Variants in TES observed in about 807,000 individuals in gnomAD.
TES encodes the protein testin LIM domain protein.
Under a neutral mutation model 48.2 loss-of-function variants are expected in TES, and 41 were observed. The observed-to-expected ratio is 0.85, with a 90% CI of 0.66 to 1.10. The LOEUF (loss-of-function observed/expected upper bound fraction) is 1.10, where lower values mean the gene tolerates loss of function less well. Among genes scored for constraint, TES ranks in the 50% least tolerant of loss-of-function variants. The probability of loss-of-function intolerance (pLI) is 0.00; values close to 1 mark genes in which losing one functional copy is unlikely to be tolerated. For synonymous variants in TES, 162 were observed against 174.9 expected (o/e 0.93, Z 0.58); for missense variants, 463 against 515.1 (o/e 0.90, Z 0.98).
chr7:116,249,429 G>T, intron 3 of TES, 157 bp downstream of exon 3: 1 of 873,404 alleles, frequency 1.1e-6, no homozygotes, highest in Non-Finnish European at 1.7e-6. Flanking sequence ...CTAGTCTTTT[G>T]AATGTAAGAC....
intron 6 of TES, among the ~76,000 whole-genome samples, chr7:116,254,879 A>G (rs1276947742): frequency 1.3e-5 from 2 of 151,922 alleles, no homozygotes; most frequent in African/African-American, 2.4e-5. Context: ...ATACATATCC[A>G]TTGCCAGAAC....
At chr7:116,226,784 C>T (rs1472039714) in intron 1 of TES, among the ~76,000 whole-genome samples, 2 of 152,138 alleles carry the variant, frequency 1.3e-5, no homozygotes, top group Non-Finnish European at 2.9e-5. Context: ...TTTGGAGCAT[C>T]GTAAGCATGG....
chr7:116,248,907 T>C (rs1799962695), intron 2 of TES, 113 bp from the exon 3 acceptor site: 2 of 1,126,986 alleles, frequency 1.8e-6, no homozygotes, highest in East Asian at 2.6e-5. Flanking sequence ...GGACTTGCCT[T>C]TGCATACCAT....
chr7:116,223,621 A>T (rs750486353), intron 1 of TES, among the ~76,000 whole-genome samples: 3 of 152,178 alleles, frequency 2.0e-5, no homozygotes, highest in Non-Finnish European at 4.4e-5. Context: ...TAAAAATCAT[A>T]TTCTACCCTG....
chr7:116,257,554 T>G lies in TES; in HGVS notation c.*72T>G. 1.6e-6 allele frequency: 2 copies of G among 1,221,338 alleles called. No homozygotes were observed. The highest frequency in any genetic ancestry group is 2.1e-6 in the Non-Finnish European group (2 of 947,762). The allele number at this position is 1,221,338 out of a possible 1,614,324, so 75.7% of individuals were successfully genotyped here. A position where few individuals can be genotyped will look rare whatever the true frequency, so the allele number is the denominator to read the frequency against. ...TGCATTTCTACTGTAAAATGCAATT[T>G]GAAAAAAATAAAACGCAAAAAAAGA... On this transcript the variant is annotated 3_prime_UTR_variant, in exon 7 of 7. Coordinates refer to ENST00000358204, the MANE Select transcript of TES (RefSeq NM_015641.4).
chr7:116,250,530 G>T, intron 4 of TES, 34 bp downstream of exon 4: 3 of 1,413,512 alleles, frequency 2.1e-6, no homozygotes, highest in Non-Finnish European at 2.8e-6. Flanking sequence ...AGCCTGATTT[G>T]TATACTTTAC....
chr7:116,214,389 G>A (rs1421940943), intron 1 of TES, among the ~76,000 whole-genome samples: 1 of 152,140 alleles, frequency 6.6e-6, no homozygotes, highest in Admixed American at 6.5e-5. Flanking sequence ...GCAATATATG[G>A]TGACCTGGAT....
chr7:116,216,035 C>T (rs1799490013), intron 1 of TES, among the ~76,000 whole-genome samples: 5 of 152,052 alleles, frequency 3.3e-5, no homozygotes. Context: ...TCTCATGGAG[C>T]TCCAGAGTGA....
intron 6 of TES, among the ~76,000 whole-genome samples, chr7:116,253,602 C>A (rs555696325): frequency 6.6e-6 from 1 of 152,226 alleles, no homozygotes; most frequent in East Asian, 1.9e-4. Context: ...TACTAGTTAT[C>A]CAACGCAAAT....
chr7:116,239,509 G>T (rs1799815759), intron 2 of TES, among the ~76,000 whole-genome samples: 1 of 152,172 alleles, frequency 6.6e-6, no homozygotes, highest in Non-Finnish European at 1.5e-5. Flanking sequence ...CTAAAGTTAT[G>T]GCTTATAGAT....
chr7:116,214,870 T>C (rs1218805426), intron 1 of TES, among the ~76,000 whole-genome samples: 2 of 152,182 alleles, frequency 1.3e-5, no homozygotes, highest in African/African-American at 4.8e-5. Context: ...CTAGGAAATC[T>C]TTCTCCATGC....
At chr7:116,221,191 T>C (rs1191849866) in intron 1 of TES, among the ~76,000 whole-genome samples, 1 of 152,168 alleles carries the variant, frequency 6.6e-6, no homozygotes, top group Non-Finnish European at 1.5e-5. Context: ...TTAAAAATTA[T>C]TCTGATTTAT....
chr7:116,218,592 C>T (rs535596513), intron 1 of TES, among the ~76,000 whole-genome samples: 1 of 152,074 alleles, frequency 6.6e-6, no homozygotes, highest in East Asian at 1.9e-4. Flanking sequence ...CTTTGTTTTT[C>T]GTAGAGAATA....
chr7:116,250,453 G>A lies in TES; in HGVS notation c.659G>A (p.Gly220Glu), dbSNP rs1426864328. 8.2e-6 allele frequency: 13 copies of A among 1,584,480 alleles called. No individual in the cohort carries two copies. The highest frequency in any genetic ancestry group is 1.8e-5 in the Admixed American group (1 of 55,496). Reference protein sequence around the residue: ...GGDRSTPAAVGAMEDKSAEHK... With the variant: ...GGDRSTPAAVEAMEDKSAEHK... ...GATAGAAGCACCCCAGCAGCAGTGGGGGCCATGGAGGACAAATCTGCTGAG... is the reference window on the plus strand; with the variant it reads ...GATAGAAGCACCCCAGCAGCAGTGGAGGCCATGGAGGACAAATCTGCTGAG... The change falls in exon 4 of 7, where the codon GGG (glycine) becomes GAG (glutamate). Residue 220 changes from glycine to glutamate, a missense_variant. By Grantham distance (98) the Gly-to-Glu change is moderately conservative (BLOSUM62 -2). Coordinates refer to ENST00000358204, the MANE Select transcript of TES (RefSeq NM_015641.4).
intron 1 of TES, among the ~76,000 whole-genome samples, chr7:116,223,676 A>G (rs886874017): frequency 6.6e-6 from 1 of 152,184 alleles, no homozygotes; most frequent in African/African-American, 2.4e-5. Flanking sequence ...TGAACAACTA[A>G]CAAATTGAAG....
chr7:116,213,803 T>G (rs1257390116), intron 1 of TES, among the ~76,000 whole-genome samples: 1 of 152,228 alleles, frequency 6.6e-6, no homozygotes, highest in Non-Finnish European at 1.5e-5. Flanking sequence ...ACCTCTTTCT[T>G]ATTTTTTAAG....
intron 1 of TES, among the ~76,000 whole-genome samples, chr7:116,217,296 A>G (rs1328261644): frequency 6.6e-6 from 1 of 152,198 alleles, no homozygotes; most frequent in Non-Finnish European, 1.5e-5. Flanking sequence ...AAAATGAGAA[A>G]GCAGCTTTTA....
chr7:116,236,232 G>GTTTT (rs907155558), intron 2 of TES, among the ~76,000 whole-genome samples: 6 of 152,242 alleles, frequency 3.9e-5, no homozygotes, highest in Admixed American at 3.9e-4. Context: ...CCTGGGCATA[G>GTTTT]TTTTTACCTT....
intron 1 of TES, among the ~76,000 whole-genome samples, chr7:116,226,597 G>A (rs1361456840): frequency 6.6e-6 from 1 of 152,198 alleles, no homozygotes; most frequent in Non-Finnish European, 1.5e-5. Flanking sequence ...AGCAAGGGGA[G>A]TGTTATGATT....
Sources: gnomAD v4.1 joint callset for allele counts (sites outside exome capture counted in the v4.1 genomes callset) on GRCh38, gnomAD v4.1.1 for gene constraint, MANE v1.5 for transcripts, NCBI Gene and HGNC (gene_info 2026-07-23, HGNC 2026-07-21) for gene names.